KDM1B: variants seen among roughly 807,000 people sequenced by gnomAD.
The protein encoded by KDM1B is lysine-specific histone demethylase 2.
In KDM1B, 63 loss-of-function variants were observed where a neutral mutation model predicts 107.4. That is an observed-to-expected ratio of 0.59 (90% CI 0.48 to 0.72). KDM1B has a LOEUF of 0.72. Ranked by LOEUF, KDM1B falls within the 30% of genes least tolerant of loss-of-function variation. The pLI is 0.00. For synonymous variants in KDM1B, 363 were observed against 363.9 expected (o/e 1.00, Z 0.03); for missense variants, 749 against 1,020.8 (o/e 0.73, Z 3.63).
intron 17 of KDM1B, among the ~76,000 whole-genome samples, chr6:18,208,831 T>G (rs1788610644): frequency 6.8e-6 from 1 of 147,744 alleles, no homozygotes; most frequent in Non-Finnish European, 1.5e-5. Flanking sequence ...TTTTTTGTAT[T>G]TTTTAGTAGA....
At chr6:18,219,952 C>T (rs986977305) in intron 21 of KDM1B, among the ~76,000 whole-genome samples, 1 of 152,174 alleles carries the variant, frequency 6.6e-6, no homozygotes, top group Non-Finnish European at 1.5e-5. Flanking sequence ...TGAGGAGTTG[C>T]AGCCGGTCAA....
chr6:18,187,998 G>A lies in KDM1B; in HGVS notation c.780G>A (p.Val260=). The change falls in exon 9 of 22, where the codon GTG becomes GTA. Residue 260 remains valine, a synonymous_variant. Transcript: ENST00000650836. The part of the protein sequence containing the change: ...KLEHSKAALS[V]HVPGMNRYFQ... Reference sequence around the variant, plus strand: ...AGCACTCCAAGGCTGCCCTCTCCGTGCACGGTGAGAGCCATTCCTGGGACT... The same window carrying A: ...AGCACTCCAAGGCTGCCCTCTCCGTACACGGTGAGAGCCATTCCTGGGACT... The A allele has an allele frequency of 3.9e-6, 6 of 1,550,260 alleles. No homozygotes were observed. Among genetic ancestry groups the A allele is most frequent in the Non-Finnish European group, 5.2e-6 (6 of 1,146,900 alleles).
chr6:18,215,814 A>G (rs1392829358), intron 20 of KDM1B, among the ~76,000 whole-genome samples: 1 of 148,818 alleles, frequency 6.7e-6, no homozygotes, highest in Admixed American at 6.8e-5. Context: ...CTGAAGCCCT[A>G]GAAGCTTTGA....
At chr6:18,160,064 G>T in intron 3 of KDM1B, 82 bp downstream of exon 3, 2 of 886,686 alleles carry the variant, frequency 2.3e-6, no homozygotes, top group Non-Finnish European at 1.7e-6. Flanking sequence ...GAGTTGAAAA[G>T]ATTACTCCAG....
chr6:18,187,923 C>G lies in KDM1B; in HGVS notation c.705C>G (p.Thr235=), dbSNP rs1207359863. Residue 235 remains threonine (T), a synonymous_variant, in exon 9 of 22, where the codon ACC becomes ACG. Coordinates refer to ENST00000650836, the MANE Select transcript of KDM1B (RefSeq NM_001364614.2). ...PDCVGMSPSC[T]STNRAAATGN... ...GTGTTGGCATGAGCCCCTCCTGCAC[C>G]AGCACAAACCGCGCCGCTGCCACTG... 67 of 1,550,342 alleles carry G rather than the reference C, an allele frequency of 4.3e-5. No individual in the cohort carries two copies. The highest frequency in any genetic ancestry group is 5.7e-5 in the Non-Finnish European group (65 of 1,147,002).
At chr6:18,199,231 G>A (rs186959439) in intron 12 of KDM1B, among the ~76,000 whole-genome samples, 107 of 152,026 alleles carry the variant, frequency 7.0e-4, no homozygotes, top group Non-Finnish European at 1.2e-3. Context: ...TTCTGTCAGA[G>A]AAAGAGGGTA....
chr6:18,169,875 T>C (rs1237752662), intron 6 of KDM1B, among the ~76,000 whole-genome samples: 2 of 152,174 alleles, frequency 1.3e-5, no homozygotes, highest in Non-Finnish European at 2.9e-5. Context: ...TTTTAAAAAA[T>C]AAACTTTATT....
intron 17 of KDM1B, among the ~76,000 whole-genome samples, 161 bp downstream of exon 17, chr6:18,208,367 T>C (rs1788535777): frequency 6.6e-6 from 1 of 151,750 alleles, no homozygotes; most frequent in African/African-American, 2.4e-5. Flanking sequence ...TGTATGTAGA[T>C]ATGCAAAGCT....
intron 21 of KDM1B, among the ~76,000 whole-genome samples, chr6:18,220,527 CAG>C (rs978232269): frequency 2.6e-5 from 4 of 152,112 alleles, no homozygotes; most frequent in African/African-American, 7.2e-5. Context: ...GCCTGGGAGA[CAG>C]AGTGAGACTC....
rs141594679 is a variant in KDM1B at position 18,172,809 on chromosome 6, G to A, written c.534+1330G>A. 6.6e-6 allele frequency among the ~76,000 whole-genome samples: 1 copy of A among 152,042 alleles called. No homozygotes were observed. Among genetic ancestry groups the A allele is most frequent in the Admixed American group, 6.6e-5 (1 of 15,244 alleles). Reference sequence around the variant, plus strand: ...TATGAATAAAAACATATTAGGAGTGGTTGGGCGCGGTGGCTCACACCTGTA... The same window carrying A: ...TATGAATAAAAACATATTAGGAGTGATTGGGCGCGGTGGCTCACACCTGTA... On this transcript the variant is annotated intron_variant, in intron 7 of 21. Transcript: ENST00000650836. The surrounding 1 kb of genome is among the most constrained non-coding windows in gnomAD (Gnocchi z 5.2).
intron 17 of KDM1B, among the ~76,000 whole-genome samples, chr6:18,208,811 ATT>A (rs374269145): frequency 2.4e-4 from 32 of 131,148 alleles, no homozygotes; most frequent in Admixed American, 4.8e-4. Context: ...CGCCTGGCTA[ATT>A]TTTTTTTTTT....
At chr6:18,174,630 A>G (rs1785874809) in intron 7 of KDM1B, among the ~76,000 whole-genome samples, 1 of 148,374 alleles carries the variant, frequency 6.7e-6, no homozygotes, top group Non-Finnish European at 1.5e-5. Flanking sequence ...TTTCCCCCCA[A>G]GTCCCCAAAG....
At position 18,191,328 on chromosome 6, in the gene KDM1B, A is replaced by G. The variant is rs148413251; in HGVS notation, c.916A>G (p.Met306Val). 65 of 1,551,106 alleles carry G rather than the reference A, an allele frequency of 4.2e-5. No individual in the cohort carries two copies. The East Asian group carries it at 6.8e-4, about 16-fold the overall frequency. Residue 306 changes from methionine (M) to valine (V), a missense_variant, in exon 10 of 22, where the codon ATG (methionine) becomes GTG (valine). Coordinates refer to ENST00000650836, the MANE Select transcript of KDM1B (RefSeq NM_001364614.2). The surrounding 1 kb of genome is among the most constrained non-coding windows in gnomAD (Gnocchi z 5.1). ...EFPEYSRDPT[M>V]YLALRNLILA... ...TCCAGAGTATTCCCGAGACCCCACC[A>G]TGTACCTGGCTTTGAGAAACCTCAT...
intron 17 of KDM1B, among the ~76,000 whole-genome samples, chr6:18,208,826 TG>T (rs764742406): frequency 1.5e-4 from 21 of 137,710 alleles, no homozygotes; most frequent in East Asian, 6.3e-4. Context: ...TTTTTTTTTT[TG>T]TATTTTTTAG....
At chr6:18,190,327 T>A (rs139410956) in intron 9 of KDM1B, among the ~76,000 whole-genome samples, 215 of 151,782 alleles carry the variant, frequency 1.4e-3, no homozygotes, top group African/African-American at 4.6e-3. Context: ...GCGCAGTGGC[T>A]CACGCCTGTA....
rs952476132 is a variant in KDM1B at position 18,162,415 on chromosome 6, G to A, written c.216-420G>A. On this transcript the variant is annotated intron_variant, in intron 4 of 21. Transcript: ENST00000650836. The surrounding 1 kb of genome is among the most constrained non-coding windows in gnomAD (Gnocchi z 4.1). Reference sequence around the variant, plus strand: ...TCATTCTCTTGCTATATTATCAACTGTTTGACAAGTTATCTTTGCCAAATT... The same window carrying A: ...TCATTCTCTTGCTATATTATCAACTATTTGACAAGTTATCTTTGCCAAATT... Among the ~76,000 whole-genome samples the A allele has an allele frequency of 6.6e-6, 1 of 152,206 alleles. No homozygotes were observed. The highest frequency in any genetic ancestry group is 1.5e-5 in the Non-Finnish European group (1 of 68,044).
At chr6:18,187,325 G>A (rs879392228) in intron 8 of KDM1B, among the ~76,000 whole-genome samples, 3 of 152,122 alleles carry the variant, frequency 2.0e-5, no homozygotes, top group Non-Finnish European at 2.9e-5. Context: ...GGCAAAAAGC[G>A]GTAATACTTA....
Position 18,205,821 on chromosome 6 carries a change from G to T in KDM1B, c.1659+157G>T, listed in dbSNP as rs1164989122. Among the ~76,000 whole-genome samples the T allele has an allele frequency of 1.3e-5, 2 of 151,996 alleles. No individual in the cohort carries two copies. Among genetic ancestry groups the T allele is most frequent in the Non-Finnish European group, 2.9e-5 (2 of 68,004 alleles). ...ATCCTGGCCAACATGGTGAAACCCT[G>T]TCTCTACTAAAATACAAAAAATTAG... On this transcript the variant is annotated intron_variant, in intron 15 of 21. Coordinates refer to ENST00000650836, the MANE Select transcript of KDM1B (RefSeq NM_001364614.2). The surrounding 1 kb of genome is among the most constrained non-coding windows in gnomAD (Gnocchi z 5.7).
At chr6:18,170,824 T>C (rs1220686325) in intron 6 of KDM1B, among the ~76,000 whole-genome samples, 3 of 151,480 alleles carry the variant, frequency 2.0e-5, no homozygotes, top group Non-Finnish European at 4.4e-5. Flanking sequence ...TTCTCTTTTT[T>C]TTTTCCTTTT....
Sources: allele counts gnomAD v4.1 joint callset (sites outside exome capture counted in the v4.1 genomes callset), GRCh38; gene constraint gnomAD v4.1.1; non-coding constraint Gnocchi (gnomAD v3.1); transcripts MANE v1.5; gene names NCBI Gene and HGNC (gene_info 2026-07-23, HGNC 2026-07-21).